Variants in SSH2 observed in about 807,000 individuals in gnomAD.
SSH2 encodes the protein slingshot protein phosphatase 2, also known as protein phosphatase Slingshot homolog 2.
In SSH2, 37 loss-of-function variants were observed where a neutral mutation model predicts 135.2. The observed-to-expected ratio is 0.27, with a 90% CI of 0.21 to 0.36. The LOEUF (loss-of-function observed/expected upper bound fraction) is 0.36, where lower values mean the gene tolerates loss of function less well. Among genes scored for constraint, SSH2 ranks in the 10% least tolerant of loss-of-function variants. The probability of loss-of-function intolerance (pLI) is 1.00; values close to 1 mark genes in which losing one functional copy is unlikely to be tolerated. For missense variants in SSH2, 1,408 were observed against 1,765.3 expected (o/e 0.80, Z 3.63); for synonymous variants, 628 against 646.2 (o/e 0.97, Z 0.43).
At chr17:29,849,252 G>A (rs558960268) in intron 1 of SSH2, among the ~76,000 whole-genome samples, 2 of 152,172 alleles carry the variant, frequency 1.3e-5, no homozygotes. Flanking sequence ...GGCGGAGGCA[G>A]GAGGATCACA....
At chr17:29,756,548 T>C (rs951494290) in intron 3 of SSH2, among the ~76,000 whole-genome samples, 13 of 146,326 alleles carry the variant, frequency 8.9e-5, no homozygotes, top group African/African-American at 3.3e-4. Flanking sequence ...CCTGGGCTGG[T>C]CTCAAACTCC....
chr17:29,729,765 G>A (rs759700459), intron 3 of SSH2, among the ~76,000 whole-genome samples: 2 of 151,942 alleles, frequency 1.3e-5, no homozygotes, highest in Admixed American at 6.6e-5. Context: ...ATTATGTTAA[G>A]TGAAATAAGC....
chr17:29,670,843 T>G (rs2037464234), intron 9 of SSH2, among the ~76,000 whole-genome samples: 1 of 152,150 alleles, frequency 6.6e-6, no homozygotes, highest in African/African-American at 2.4e-5. Context: ...TGGCATGACT[T>G]TAGGAATCTA....
intron 1 of SSH2, among the ~76,000 whole-genome samples, chr17:29,921,704 G>C (rs1342608972): frequency 6.6e-6 from 1 of 151,994 alleles, no homozygotes; most frequent in Non-Finnish European, 1.5e-5. Context: ...AGTAGGAGTA[G>C]CTGGGATTAC....
intron 12 of SSH2, among the ~76,000 whole-genome samples, 163 bp downstream of exon 12, chr17:29,655,398 C>A (rs552932754): frequency 6.6e-6 from 1 of 152,126 alleles, no homozygotes; most frequent in Non-Finnish European, 1.5e-5. Context: ...TCACCGTGCC[C>A]GGCCCAGCTA....
At chr17:29,819,252 A>T (rs1366688456) in intron 2 of SSH2, among the ~76,000 whole-genome samples, 1 of 152,076 alleles carries the variant, frequency 6.6e-6, no homozygotes, top group African/African-American at 2.4e-5. Context: ...AAATGTAGAA[A>T]AGCATTCCCC....
intron 5 of SSH2, among the ~76,000 whole-genome samples, chr17:29,693,737 T>C (rs1337841342): frequency 2.0e-5 from 3 of 152,208 alleles, no homozygotes; most frequent in African/African-American, 7.2e-5. Context: ...AAAATAACTA[T>C]GAAAAGATTC....
intron 1 of SSH2, among the ~76,000 whole-genome samples, chr17:29,891,791 A>G (rs935086534): frequency 6.6e-6 from 1 of 152,198 alleles, no homozygotes; most frequent in Non-Finnish European, 1.5e-5. Context: ...GTCTCAGTAC[A>G]GACCACACCA....
chr17:29,906,838 T>C (rs538243171), intron 1 of SSH2, among the ~76,000 whole-genome samples: 3 of 152,292 alleles, frequency 2.0e-5, no homozygotes, highest in African/African-American at 7.2e-5. Context: ...CCAGTCAGAA[T>C]AGCTATTGTT....
chr17:29,732,430 A>G (rs1172550464), intron 3 of SSH2, among the ~76,000 whole-genome samples: 1 of 152,224 alleles, frequency 6.6e-6, no homozygotes, highest in Non-Finnish European at 1.5e-5. Flanking sequence ...TGTGGAATTA[A>G]CTTCTGGCTT....
Position 29,760,615 on chromosome 17 carries a change from G to A in SSH2, c.188+33279C>T, listed in dbSNP as rs576181520. ...GTGAGCACGTACCAGTAGTACAGGA[G>A]GAGATAAAATAGAAACTACCGAAAT... On this transcript the variant is annotated intron_variant, in intron 3 of 15. Transcript: ENST00000540801. Among the ~76,000 whole-genome samples, 4 of 152,158 alleles carry A rather than the reference G, an allele frequency of 2.6e-5. No homozygotes were observed. In the South Asian group the frequency reaches 8.3e-4, roughly 32 times the overall value.
chr17:29,655,073 G>C (rs1012227063), intron 12 of SSH2, among the ~76,000 whole-genome samples: 1 of 152,072 alleles, frequency 6.6e-6, no homozygotes, highest in South Asian at 2.1e-4. Flanking sequence ...CTTGGGAGGT[G>C]GGGGGACGAA....
chr17:29,890,306 G>C (rs1177077219), intron 1 of SSH2, among the ~76,000 whole-genome samples: 1 of 152,116 alleles, frequency 6.6e-6, no homozygotes, highest in Non-Finnish European at 1.5e-5. Flanking sequence ...CCCACTCCTA[G>C]GTATATGCCC....
chr17:29,830,700 T>C (rs944319241), intron 2 of SSH2, among the ~76,000 whole-genome samples: 3 of 151,978 alleles, frequency 2.0e-5, no homozygotes, highest in South Asian at 2.1e-4. Context: ...ATAATATACA[T>C]AAGAAATGGG....
intron 3 of SSH2, among the ~76,000 whole-genome samples, chr17:29,736,115 A>C (rs1336734719): frequency 6.6e-6 from 1 of 152,158 alleles, no homozygotes; most frequent in African/African-American, 2.4e-5. Context: ...AAACAAAAAA[A>C]TTCTATATTA....
intron 15 of SSH2, among the ~76,000 whole-genome samples, chr17:29,635,700 G>A (rs147472477): frequency 2.8e-4 from 42 of 152,228 alleles, no homozygotes; most frequent in Middle Eastern, 3.4e-3. Flanking sequence ...GAGCCACCGC[G>A]CCTGGTCATC....
intron 4 of SSH2, among the ~76,000 whole-genome samples, chr17:29,696,429 A>G (rs1416919044): frequency 6.8e-6 from 1 of 146,378 alleles, no homozygotes; most frequent in African/African-American, 2.5e-5. Flanking sequence ...ATATACACAT[A>G]TATGTGTGTG....
At chr17:29,780,505 ACTTCCGC>A (rs2041816397) in intron 3 of SSH2, 1 of 150,622 alleles carries the variant, frequency 6.6e-6, no homozygotes, top group African/African-American at 2.5e-5. Flanking sequence ...GCTCACTGCA[ACTTCCGC>A]CTCCCGGGTT....
At chr17:29,732,062 G>A (rs2040218108) in intron 3 of SSH2, among the ~76,000 whole-genome samples, 1 of 152,166 alleles carries the variant, frequency 6.6e-6, no homozygotes, top group African/African-American at 2.4e-5. Flanking sequence ...ACAGCTGCCT[G>A]AGCTAAAGCG....
Sources: gnomAD v4.1 joint callset for allele counts (sites outside exome capture counted in the v4.1 genomes callset) on GRCh38, gnomAD v4.1.1 for gene constraint, MANE v1.5 for transcripts, NCBI Gene and HGNC (gene_info 2026-07-23, HGNC 2026-07-21) for gene names.